Variants in ST7 observed in about 807,000 individuals in gnomAD.
ST7 encodes suppressor of tumorigenicity 7 protein.
Under a neutral mutation model 78.7 loss-of-function variants are expected in ST7, and 28 were observed. The ratio of observed to expected loss-of-function variants is 0.36; its 90% CI spans 0.26 to 0.49. The LOEUF is 0.49. Among genes scored for constraint, ST7 ranks in the 20% least tolerant of loss-of-function variants. The probability of loss-of-function intolerance (pLI) is 0.99; values close to 1 mark genes in which losing one functional copy is unlikely to be tolerated. For missense variants in ST7, 418 were observed against 696.0 expected, an observed-to-expected ratio of 0.60 and a Z score of 4.49; for synonymous variants, 247 against 249.6, an observed-to-expected ratio of 0.99 and a Z score of 0.10.
Position 117,136,064 on chromosome 7 carries a change from A to G in ST7, c.711-17A>G. On this transcript the variant is annotated splice_polypyrimidine_tract_variant and intron_variant, in intron 7 of 15. Coordinates refer to ENST00000323984, the MANE Select transcript of ST7 (RefSeq NM_001369598.1). ...CTTGGCTTTGTAATTGATGGTGGCT[A>G]TTATCTGAATGAACAGGTGTGCAAC... 3 of 1,611,728 alleles carry G rather than the reference A, an allele frequency of 1.9e-6. No individual in the cohort carries two copies. The highest frequency in any genetic ancestry group is 1.7e-5 in the Admixed American group (1 of 59,864).
At chr7:117,114,659 T>G (rs1267155459) in intron 2 of ST7, among the ~76,000 whole-genome samples, 1 of 152,200 alleles carries the variant, frequency 6.6e-6, no homozygotes, top group Non-Finnish European at 1.5e-5. Context: ...TTACTAAGCT[T>G]TTGCTGTGTG....
chr7:117,069,790 G>A (rs1360893039), intron 1 of ST7, among the ~76,000 whole-genome samples: 3 of 152,134 alleles, frequency 2.0e-5, no homozygotes, highest in African/African-American at 7.2e-5. Context: ...GTATATTTTA[G>A]GCTCTTCCCT....
chr7:116,962,441 C>T (rs1208508780), intron 1 of ST7, among the ~76,000 whole-genome samples: 1 of 152,184 alleles, frequency 6.6e-6, no homozygotes, highest in Non-Finnish European at 1.5e-5. Context: ...ACAGCCTCAC[C>T]AGCATCTATG....
chr7:117,207,629 A>G (rs1330887620), intron 12 of ST7, among the ~76,000 whole-genome samples: 1 of 152,152 alleles, frequency 6.6e-6, no homozygotes, highest in South Asian at 2.1e-4. Flanking sequence ...TTTATCCACC[A>G]TCTGATTGTC....
intron 2 of ST7, among the ~76,000 whole-genome samples, chr7:117,110,517 T>G (rs1439924314): frequency 6.6e-6 from 1 of 152,202 alleles, no homozygotes; most frequent in Non-Finnish European, 1.5e-5. Flanking sequence ...GTAACCTGCC[T>G]TCAGTCACAC....
intron 1 of ST7, among the ~76,000 whole-genome samples, chr7:116,958,115 C>A (rs751103732): frequency 2.6e-5 from 4 of 151,548 alleles, no homozygotes; most frequent in Non-Finnish European, 4.4e-5. Flanking sequence ...CCTGCCACCT[C>A]AGTCTTAGTA....
At chr7:116,998,302 G>A (rs1164879342) in intron 1 of ST7, among the ~76,000 whole-genome samples, 4 of 152,110 alleles carry the variant, frequency 2.6e-5, no homozygotes, top group Admixed American at 6.5e-5. Context: ...TGTGGGGCCC[G>A]CCGAGCCCAC....
At chr7:117,226,151 A>G (rs1412878535) in intron 15 of ST7, among the ~76,000 whole-genome samples, 1 of 152,148 alleles carries the variant, frequency 6.6e-6, no homozygotes, top group Non-Finnish European at 1.5e-5. Flanking sequence ...CAATTGTCTG[A>G]TTGCAGTAGG....
chr7:117,155,793 G>A (rs1411015221), intron 9 of ST7, among the ~76,000 whole-genome samples: 2 of 152,196 alleles, frequency 1.3e-5, no homozygotes, highest in East Asian at 3.9e-4. Flanking sequence ...CTCACTCAGA[G>A]TTTAAACTCT....
chr7:117,015,945 G>A (rs1393339491), intron 1 of ST7, among the ~76,000 whole-genome samples: 1 of 152,152 alleles, frequency 6.6e-6, no homozygotes, highest in East Asian at 1.9e-4. Flanking sequence ...TACTTACACA[G>A]TATCTATAAA....
intron 1 of ST7, chr7:117,020,638 A>G: frequency 6.4e-7 from 1 of 1,550,880 alleles, no homozygotes; most frequent in African/African-American, 1.4e-5. Flanking sequence ...ATGTAAGTAA[A>G]TGGATCCCAC....
intron 1 of ST7, among the ~76,000 whole-genome samples, chr7:116,990,112 A>G (rs1794360719): frequency 6.6e-6 from 1 of 151,798 alleles, no homozygotes; most frequent in Non-Finnish European, 1.5e-5. Flanking sequence ...AATTTTTTGT[A>G]TTTTTAGTAG....
intron 1 of ST7, chr7:117,015,046 T>C: frequency 9.3e-7 from 1 of 1,080,682 alleles, no homozygotes; most frequent in Non-Finnish European, 1.2e-6. Flanking sequence ...TTTCCAGTTA[T>C]GTAGAATTAC....
intron 1 of ST7, chr7:117,080,894 T>C (rs183981377): frequency 1.3e-5 from 2 of 152,328 alleles, no homozygotes; most frequent in East Asian, 1.9e-4. Flanking sequence ...TTTCTATCCA[T>C]TGATTTTTTG....
At chr7:117,048,158 C>T (rs192772084) in intron 1 of ST7, among the ~76,000 whole-genome samples, 124 of 151,140 alleles carry the variant, frequency 8.2e-4, no homozygotes, top group African/African-American at 2.8e-3. Flanking sequence ...TTTAGTAGGC[C>T]GAGAAGGAGG....
intron 10 of ST7, among the ~76,000 whole-genome samples, chr7:117,171,423 G>A (rs776274781): frequency 1.3e-5 from 2 of 151,920 alleles, no homozygotes; most frequent in African/African-American, 2.4e-5. Flanking sequence ...AATATCCCTT[G>A]CACATGTGGC....
chr7:116,961,298 G>A (rs959156780), intron 1 of ST7, among the ~76,000 whole-genome samples: 4 of 152,084 alleles, frequency 2.6e-5, no homozygotes, highest in African/African-American at 9.7e-5. Flanking sequence ...TGGCTATTTG[G>A]GCTATTTTTT....
At chr7:117,170,766 G>A (rs148379767) in intron 9 of ST7, 96 bp from the exon 10 acceptor site, 8 of 413,878 alleles carry the variant, frequency 1.9e-5, no homozygotes, top group East Asian at 1.4e-4. Context: ...TATCCAAACC[G>A]TGATATATAC....
Position 117,096,079 on chromosome 7 carries a change from A to C in ST7, c.152-3683A>C, listed in dbSNP as rs1274301755. Among the ~76,000 whole-genome samples, 5 of 144,620 alleles carry C rather than the reference A, an allele frequency of 3.5e-5. No individual in the cohort carries two copies. In the East Asian group the frequency reaches 8.1e-4, roughly 23 times the overall value. 94.9% of individuals were successfully genotyped at this position (144,620 alleles called of 152,430 possible). On this transcript the variant is annotated intron_variant, in intron 1 of 15. Transcript: ENST00000323984. The stretch of plus-strand genomic sequence containing the variant: ...CGAGATTCTGCCTCAAAAAAAAAAA[A>C]AAAAAAAAAAAAAAAAAAAGAATAT...
Sources: allele counts gnomAD v4.1 joint callset (sites outside exome capture counted in the v4.1 genomes callset), GRCh38; gene constraint gnomAD v4.1.1; transcripts MANE v1.5; gene names NCBI Gene and HGNC (gene_info 2026-07-23, HGNC 2026-07-21).